The following NEK1 variants were observed in gnomAD, a reference collection of about 807,000 sequenced individuals.
NEK1 encodes the protein NIMA related kinase 1, also known as serine/threonine-protein kinase Nek1.
Under a neutral mutation model 182.1 loss-of-function variants are expected in NEK1, and 137 were observed. The ratio of observed to expected loss-of-function variants is 0.75; its 90% CI spans 0.65 to 0.87. NEK1 has a LOEUF of 0.87. Ranked by LOEUF, NEK1 falls within the 40% of genes least tolerant of loss-of-function variation. The pLI, the probability that NEK1 is intolerant of heterozygous loss-of-function variation, is 0.00. For missense variants in NEK1, 1,391 were observed against 1,494.4 expected (o/e 0.93, Z 1.14); for synonymous variants, 513 against 492.2 (o/e 1.04, Z -0.56).
intron 23 of NEK1, among the ~76,000 whole-genome samples, chr4:169,497,545 G>C (rs901242925): frequency 1.3e-5 from 2 of 152,198 alleles, no homozygotes; most frequent in Admixed American, 1.3e-4. Flanking sequence ...GGCACTTAGT[G>C]CTATAAATTT....
chr4:169,521,638 C>A (rs1268560913), intron 19 of NEK1, among the ~76,000 whole-genome samples: 1 of 152,162 alleles, frequency 6.6e-6, no homozygotes, highest in Non-Finnish European at 1.5e-5. Context: ...CTTTTAGTTT[C>A]CTGCATTTGA....
chr4:169,568,692 C>T (rs1764113845), intron 12 of NEK1, among the ~76,000 whole-genome samples: 1 of 152,094 alleles, frequency 6.6e-6, no homozygotes, highest in Admixed American at 6.5e-5. Flanking sequence ...GTAATCCTAG[C>T]ACTTTGGGAG....
chr4:169,455,150 G>A (rs1171667564), intron 27 of NEK1, among the ~76,000 whole-genome samples: 1 of 152,148 alleles, frequency 6.6e-6, no homozygotes, highest in Admixed American at 6.5e-5. Context: ...ACACAGGGCA[G>A]GGAACATCAC....
chr4:169,597,663 G>A (rs1272595283), intron 5 of NEK1, among the ~76,000 whole-genome samples: 1 of 151,936 alleles, frequency 6.6e-6, no homozygotes, highest in East Asian at 1.9e-4. Context: ...AGCCAGGCGC[G>A]GTGGCTCACG....
intron 19 of NEK1, among the ~76,000 whole-genome samples, chr4:169,523,960 TAAGA>T (rs1756497766): frequency 6.6e-6 from 1 of 152,188 alleles, no homozygotes; most frequent in African/African-American, 2.4e-5. Context: ...GATGAGTTAA[TAAGA>T]AAGTAACATT....
chr4:169,464,911 G>A lies in NEK1; in HGVS notation c.2435-1516C>T, dbSNP rs183935013. ...AACCATTTTAATAACATTTATCAAA[G>A]CAATATATAAAAATTATATACTGAA... On this transcript the variant is annotated intron_variant, in intron 26 of 35. Coordinates refer to ENST00000507142, the MANE Select transcript of NEK1 (RefSeq NM_001199397.3). 5.5e-4 allele frequency among the ~76,000 whole-genome samples: 83 copies of A among 151,940 alleles called. 1 individual carries two copies. Among genetic ancestry groups the A allele is most frequent in the Middle Eastern group, 3.4e-3 (1 of 294 alleles).
At chr4:169,454,879 G>A (rs1742550005) in intron 27 of NEK1, among the ~76,000 whole-genome samples, 1 of 152,178 alleles carries the variant, frequency 6.6e-6, no homozygotes. Context: ...ACATGCACAT[G>A]TATGTTTATG....
chr4:169,451,844 A>C (rs1741848394), intron 27 of NEK1, among the ~76,000 whole-genome samples: 1 of 152,232 alleles, frequency 6.6e-6, no homozygotes, highest in African/African-American at 2.4e-5. Context: ...TGAATCCAGG[A>C]GATGGTTTTT....
At chr4:169,410,363 G>A (rs943639398) in intron 31 of NEK1, among the ~76,000 whole-genome samples, 1 of 151,892 alleles carries the variant, frequency 6.6e-6, no homozygotes. Flanking sequence ...ATATAACATA[G>A]TGAATGAATT....
chr4:169,494,114 T>A (rs990272937), intron 23 of NEK1, among the ~76,000 whole-genome samples: 2 of 151,870 alleles, frequency 1.3e-5, no homozygotes, highest in African/African-American at 2.4e-5. Context: ...TTTTTTTTTT[T>A]ATACTTTAAG....
At chr4:169,596,916 T>A (rs930744616) in intron 5 of NEK1, among the ~76,000 whole-genome samples, 6 of 152,144 alleles carry the variant, frequency 3.9e-5, no homozygotes, top group Admixed American at 3.3e-4. Flanking sequence ...TTATGATAAA[T>A]AACTTCACTG....
intron 23 of NEK1, among the ~76,000 whole-genome samples, chr4:169,481,242 C>A (rs1451050472): frequency 6.6e-6 from 1 of 152,190 alleles, no homozygotes; most frequent in South Asian, 2.1e-4. Context: ...GAGTCAACTT[C>A]TTCCAAACTC....
chr4:169,425,680 C>G (rs1461607592), intron 30 of NEK1, among the ~76,000 whole-genome samples: 1 of 151,962 alleles, frequency 6.6e-6, no homozygotes, highest in African/African-American at 2.4e-5. Flanking sequence ...CCATGCCTGG[C>G]TAATTTAAAA....
chr4:169,428,372 A>ATATATATATATATATATATATATATG (rs1554029052), intron 29 of NEK1, among the ~76,000 whole-genome samples: 1 of 144,676 alleles, frequency 6.9e-6, no homozygotes, highest in East Asian at 2.0e-4. Flanking sequence ...ATATATATAT[A>ATATATATATATATATATATATATATG]ATGGAATATT....
intron 2 of NEK1, among the ~76,000 whole-genome samples, chr4:169,611,486 C>A (rs528470463): frequency 6.6e-6 from 1 of 152,128 alleles, no homozygotes; most frequent in African/African-American, 2.4e-5. Context: ...CACTTTTAAT[C>A]CTTCATAAAC....
intron 31 of NEK1, among the ~76,000 whole-genome samples, chr4:169,414,987 G>C (rs1413844460): frequency 6.6e-6 from 1 of 152,240 alleles, no homozygotes; most frequent in Non-Finnish European, 1.5e-5. Context: ...TCCATTATAG[G>C]TTATCAATTG....
intron 2 of NEK1, among the ~76,000 whole-genome samples, chr4:169,605,243 A>C (rs1035789988): frequency 2.0e-5 from 3 of 152,168 alleles, no homozygotes; most frequent in African/African-American, 4.8e-5. Flanking sequence ...GAAGCTCCAA[A>C]AGTCCCCAGT....
intron 12 of NEK1, among the ~76,000 whole-genome samples, chr4:169,572,922 A>G (rs550386128): frequency 3.9e-4 from 59 of 152,356 alleles, no homozygotes; most frequent in Admixed American, 1.6e-3. Flanking sequence ...AACTGGAGAC[A>G]GTATAGACAA....
At chr4:169,508,133 C>T (rs1299370664) in intron 21 of NEK1, 115 bp downstream of exon 21, 4 of 858,688 alleles carry the variant, frequency 4.7e-6, no homozygotes, top group Non-Finnish European at 7.1e-6. Flanking sequence ...TTTGAACTTC[C>T]ACTGTCGTCA....
Sources: gnomAD v4.1 joint callset for allele counts (sites outside exome capture counted in the v4.1 genomes callset) on GRCh38, gnomAD v4.1.1 for gene constraint, MANE v1.5 for transcripts, NCBI Gene and HGNC (gene_info 2026-07-23, HGNC 2026-07-21) for gene names.